Variants in PCDHA1 observed in about 807,000 individuals in gnomAD.
PCDHA1 encodes protocadherin alpha-1.
Under a neutral mutation model 61.3 loss-of-function variants are expected in PCDHA1, and 42 were observed. That is an observed-to-expected ratio of 0.69 (90% CI 0.54 to 0.89). The LOEUF (loss-of-function observed/expected upper bound fraction) is 0.89, where lower values mean the gene tolerates loss of function less well. Among genes scored for constraint, PCDHA1 ranks in the 40% least tolerant of loss-of-function variants. The pLI, the probability that PCDHA1 is intolerant of heterozygous loss-of-function variation, is 0.00. For missense variants in PCDHA1, 1,256 were observed against 1,235.3 expected (o/e 1.02, Z -0.25); for synonymous variants, 610 against 553.8 (o/e 1.10, Z -1.43).
At chr5:140,808,559 C>G in intron 1 of PCDHA1, 2 of 1,614,116 alleles carry the variant, frequency 1.2e-6, no homozygotes, top group Non-Finnish European at 1.7e-6. Flanking sequence ...GTTCGCGCAG[C>G]CCGAGTACAC....
rs2150314975 is a variant in PCDHA1, at chr5:140,841,416, A to G, written c.2394+52732A>G. 6 of 1,613,024 alleles carry G rather than the reference A, an allele frequency of 3.7e-6. No homozygotes were observed. The South Asian group carries it at 6.6e-5, about 18-fold the overall frequency. On this transcript the variant is annotated intron_variant, in intron 1 of 3. Coordinates refer to ENST00000504120, the MANE Select transcript of PCDHA1 (RefSeq NM_018900.4). Reference sequence around the variant, plus strand: ...TGGAAGGTGGGGAGCGGCCAGCTCCACTACTCCGTCCCCGAGGAGGCCAAA... The same window carrying G: ...TGGAAGGTGGGGAGCGGCCAGCTCCGCTACTCCGTCCCCGAGGAGGCCAAA...
chr5:140,787,173 G>T lies in PCDHA1; in HGVS notation c.883G>T (p.Val295Phe), dbSNP rs1399307385. 1 of 1,613,652 alleles carries T rather than the reference G, an allele frequency of 6.2e-7. No individual in the cohort carries two copies. Among genetic ancestry groups the T allele is most frequent in the African/African-American group, 1.3e-5 (1 of 74,858 alleles). Residue 295 changes from valine (V) to phenylalanine (F), a missense_variant, in exon 1 of 4, where the codon GTT (valine) becomes TTT (phenylalanine). By Grantham distance (50) the Val-to-Phe change is conservative. Coordinates refer to ENST00000504120, the MANE Select transcript of PCDHA1 (RefSeq NM_018900.4). ...ISRDIQEKFK[V>F]DSSSGEIRLI... ...TCGTGACATTCAAGAAAAATTCAAA[G>T]TTGATTCCAGCTCAGGAGAAATTAG...
intron 1 of PCDHA1, chr5:140,855,937 A>G: frequency 7.7e-7 from 1 of 1,306,456 alleles, no homozygotes; most frequent in Non-Finnish European, 1.1e-6. Flanking sequence ...TCATTCTGAG[A>G]TCTCAGCCAT....
In PCDHA1 at chr5:140,794,957, G is replaced by GACGCC. The variant is rs1761896834; in HGVS notation, c.2394+6274_2394+6275insCGCCA. ...CTTCTAATTTGATCAAAACATTGAG[G>GACGCC]ATTGGTAATGGCGTCTTCTATCAGA... On this transcript the variant is annotated intron_variant, in intron 1 of 3. Coordinates refer to ENST00000504120, the MANE Select transcript of PCDHA1 (RefSeq NM_018900.4). 1.9e-6 allele frequency: 3 copies of GACGCC among 1,600,408 alleles called. No homozygotes were observed. The East Asian group carries it at 6.7e-5, about 36-fold the overall frequency.
chr5:140,834,404 C>A lies in PCDHA1; in HGVS notation c.2394+45720C>A, dbSNP rs17844304. On this transcript the variant is annotated intron_variant, in intron 1 of 3. Coordinates refer to ENST00000504120, the MANE Select transcript of PCDHA1 (RefSeq NM_018900.4). ...TTGAAATGGTGTGCCCGAATGGATACGACCCAGGGGGCCGACATCTACTGC... is the reference window on the plus strand; with the variant it reads ...TTGAAATGGTGTGCCCGAATGGATAAGACCCAGGGGGCCGACATCTACTGC... 182 of 1,606,186 alleles carry A rather than the reference C, an allele frequency of 1.1e-4. No individual in the cohort carries two copies. The East Asian group carries it at 3.7e-3, about 32-fold the overall frequency.
In PCDHA1 at chr5:140,877,310, C is replaced by T. The variant is rs371801888; in HGVS notation, c.2394+88626C>T. ...GCTTGGCTGTCCTACGAGTTGCAACCGGCGGCGGTCGGCGCGCACATCCCG... is the reference window on the plus strand; with the variant it reads ...GCTTGGCTGTCCTACGAGTTGCAACTGGCGGCGGTCGGCGCGCACATCCCG... On this transcript the variant is annotated intron_variant, in intron 1 of 3. Transcript: ENST00000504120. 16 of 1,613,820 alleles carry T rather than the reference C, an allele frequency of 9.9e-6. No homozygotes were observed. In the African/African-American group the frequency reaches 1.9e-4, roughly 19 times the overall value.
intron 1 of PCDHA1, chr5:140,863,426 T>C: frequency 1.5e-6 from 1 of 661,760 alleles, no homozygotes; most frequent in Non-Finnish European, 2.7e-6. Context: ...CGCAGCGTAG[T>C]GGGATCTGGT....
chr5:140,831,485 G>A (rs1771542804), intron 1 of PCDHA1, among the ~76,000 whole-genome samples: 1 of 82,564 alleles, frequency 1.2e-5, no homozygotes, highest in Non-Finnish European at 2.3e-5. Flanking sequence ...TCAGCCTCTG[G>A]AGTTACTACA....
chr5:140,916,584 G>T (rs1257440146), intron 1 of PCDHA1, among the ~76,000 whole-genome samples: 1 of 152,186 alleles, frequency 6.6e-6, no homozygotes, highest in Non-Finnish European at 1.5e-5. Flanking sequence ...TGTCATCCAT[G>T]AGCTAGGGCC....
intron 1 of PCDHA1, chr5:140,809,262 C>A: frequency 1.9e-6 from 3 of 1,614,084 alleles, no homozygotes; most frequent in South Asian, 1.1e-5. Flanking sequence ...CCCGATGCTG[C>A]GCTGGTGGAT....
intron 1 of PCDHA1, among the ~76,000 whole-genome samples, chr5:140,953,720 G>C (rs2094928996): frequency 6.6e-6 from 1 of 152,068 alleles, no homozygotes; most frequent in African/African-American, 2.4e-5. Flanking sequence ...CAGACATTGT[G>C]TTTTGAAATT....
At chr5:140,885,267 C>T (rs1448375746) in intron 1 of PCDHA1, among the ~76,000 whole-genome samples, 1 of 151,978 alleles carries the variant, frequency 6.6e-6, no homozygotes, top group Non-Finnish European at 1.5e-5. Flanking sequence ...ATTACTCATA[C>T]ATATATATAT....
At chr5:140,983,865 GC>G (rs2097073239) in intron 3 of PCDHA1, among the ~76,000 whole-genome samples, 1 of 152,120 alleles carries the variant, frequency 6.6e-6, no homozygotes, top group Admixed American at 6.5e-5. Context: ...GCAGCTAAGG[GC>G]CCATTTTTAC....
chr5:140,968,802 C>T, intron 1 of PCDHA1: 1 of 1,614,218 alleles, frequency 6.2e-7, no homozygotes. Flanking sequence ...ATTACAGTAG[C>T]TGTGGTGGAT....
At chr5:140,820,308 A>G (rs1455881999) in intron 1 of PCDHA1, among the ~76,000 whole-genome samples, 1 of 152,020 alleles carries the variant, frequency 6.6e-6, no homozygotes, top group Non-Finnish European at 1.5e-5. Flanking sequence ...CTATGACAAT[A>G]TCTTGTTTCT....
At chr5:140,950,080 C>G (rs528804395) in intron 1 of PCDHA1, among the ~76,000 whole-genome samples, 2 of 151,836 alleles carry the variant, frequency 1.3e-5, no homozygotes, top group Admixed American at 1.3e-4. Context: ...ATTGCTTATG[C>G]TATAGTTTTC....
chr5:140,788,457 T>A lies in PCDHA1; in HGVS notation c.2167T>A (p.Cys723Ser). Residue 723 changes from cysteine (C) to serine (S), a missense_variant, in exon 1 of 4, where the codon TGC becomes AGC. Coordinates refer to ENST00000504120, the MANE Select transcript of PCDHA1 (RefSeq NM_018900.4). ...ACTGCTGCTGTACACGGCGCTGCGGTGCTCAGTGCCGCCCACTGAGGGTGC... is the reference window on the plus strand; with the variant it reads ...ACTGCTGCTGTACACGGCGCTGCGGAGCTCAGTGCCGCCCACTGAGGGTGC... ...LTLLLYTALR[C>S]SVPPTEGAYV... The A allele has an allele frequency of 6.2e-7, 1 of 1,614,072 alleles. No individual in the cohort carries two copies. Among genetic ancestry groups the A allele is most frequent in the Non-Finnish European group, 8.5e-7 (1 of 1,179,988 alleles).
At chr5:140,876,278 C>A (rs1554168451) in intron 1 of PCDHA1, 1 of 1,614,030 alleles carries the variant, frequency 6.2e-7, no homozygotes, top group South Asian at 1.1e-5. Flanking sequence ...GCTTCCGATC[C>A]AGACGAAGGA....
At chr5:140,967,051 G>A in intron 1 of PCDHA1, 1 of 1,612,562 alleles carries the variant, frequency 6.2e-7, no homozygotes, top group Non-Finnish European at 8.5e-7. Context: ...TGGACCTGAC[G>A]AGTGGAGCGC....
Sources: allele counts gnomAD v4.1 joint callset (sites outside exome capture counted in the v4.1 genomes callset), GRCh38; gene constraint gnomAD v4.1.1; transcripts MANE v1.5; gene names NCBI Gene and HGNC (gene_info 2026-07-23, HGNC 2026-07-21).